Variants in GABRG3 observed in about 807,000 individuals in gnomAD.
The protein encoded by GABRG3 is gamma-aminobutyric acid receptor subunit gamma-3.
In GABRG3, 25 loss-of-function variants were observed where a neutral mutation model predicts 48.8. The ratio of observed to expected loss-of-function variants is 0.51; its 90% confidence interval spans 0.37 to 0.72. The LOEUF (loss-of-function observed/expected upper bound fraction) is 0.72, where lower values mean the gene tolerates loss of function less well. Ranked by LOEUF, GABRG3 falls within the 30% of genes least tolerant of loss-of-function variation. The pLI, the probability that GABRG3 is intolerant of heterozygous loss-of-function variation, is 0.00. For missense variants in GABRG3, 394 were observed against 577.9 expected, an observed-to-expected ratio of 0.68 and a Z score of 3.26; for synonymous variants, 227 against 217.6, an observed-to-expected ratio of 1.04 and a Z score of -0.38.
At chr15:26,991,879 C>G (rs886217816) in intron 2 of GABRG3, among the ~76,000 whole-genome samples, 2 of 152,008 alleles carry the variant, frequency 1.3e-5, no homozygotes, top group Non-Finnish European at 2.9e-5. Context: ...CGCCACCATG[C>G]CCAGCTAATT....
intron 3 of GABRG3, among the ~76,000 whole-genome samples, chr15:27,176,068 A>T (rs1887736238): frequency 6.6e-6 from 1 of 152,194 alleles, no homozygotes; most frequent in African/African-American, 2.4e-5. Context: ...ACAAGCCAAA[A>T]ATGCATTCTA....
intron 3 of GABRG3, among the ~76,000 whole-genome samples, chr15:27,223,364 T>C (rs1889510540): frequency 1.3e-5 from 2 of 152,220 alleles, no homozygotes; most frequent in Admixed American, 6.5e-5. Context: ...AGGAGGAGCC[T>C]GGATACGGCA....
chr15:27,126,395 T>C lies in GABRG3; in HGVS notation c.270+99574T>C, dbSNP rs113824819. On this transcript the variant is annotated intron_variant, in intron 3 of 9. Transcript: ENST00000615808. ...AATCCACCGTAACATTTGACTTGCA[T>C]TCGGTCCTCAATCTTTCCCACCGAC... 7.2e-4 allele frequency among the ~76,000 whole-genome samples: 109 copies of C among 152,306 alleles called. 1 individual carries two copies. Among genetic ancestry groups the C allele is most frequent in the Admixed American group, 2.2e-3 (34 of 15,306 alleles).
chr15:26,984,262 A>G (rs1416838613), intron 2 of GABRG3, among the ~76,000 whole-genome samples: 2 of 151,760 alleles, frequency 1.3e-5, no homozygotes, highest in African/African-American at 4.8e-5. Context: ...ATTCCTAACT[A>G]TAGAGGCATC....
chr15:27,527,561 A>G lies in GABRG3; in HGVS notation c.994A>G (p.Met332Val), dbSNP rs771165582. 5 of 1,613,754 alleles carry G rather than the reference A, an allele frequency of 3.1e-6. No homozygotes were observed. The highest frequency in any genetic ancestry group is 1.6e-4 in the Middle Eastern group (1 of 6,084). ...CTTCCTGTTTGTCTTCGCCGCGCTG[A>G]TGGAGTATGCCACCCTCAACTACTA... ...VCFLFVFAAL[M>V]EYATLNYYSS... Residue 332 changes from methionine (M) to valine (V), a missense_variant, in exon 8 of 10, where the codon ATG becomes GTG. Met to Val is a conservative substitution (Grantham distance 21). Transcript: ENST00000615808.
At chr15:27,393,351 A>G (rs1566821421) in intron 5 of GABRG3, among the ~76,000 whole-genome samples, 1 of 119,536 alleles carries the variant, frequency 8.4e-6, no homozygotes, top group Non-Finnish European at 1.8e-5. Flanking sequence ...CTCCAAAAAA[A>G]AAAAAAAAAA....
chr15:27,359,978 A>C (rs1278181621), intron 5 of GABRG3, among the ~76,000 whole-genome samples: 1 of 152,196 alleles, frequency 6.6e-6, no homozygotes, highest in Non-Finnish European at 1.5e-5. Context: ...TTGAGTGCCA[A>C]CTACACATTG....
At chr15:27,074,557 A>C (rs1316820522) in intron 3 of GABRG3, among the ~76,000 whole-genome samples, 2 of 151,740 alleles carry the variant, frequency 1.3e-5, no homozygotes, top group African/African-American at 4.8e-5. Context: ...CCAAGGCTGG[A>C]GTACCAGGAG....
At chr15:26,991,823 C>G (rs1222841790) in intron 2 of GABRG3, among the ~76,000 whole-genome samples, 3 of 152,020 alleles carry the variant, frequency 2.0e-5, no homozygotes, top group African/African-American at 7.3e-5. Flanking sequence ...CGGGTTCATG[C>G]CATTCTCCAG....
At chr15:26,995,271 T>C (rs1044599589) in intron 2 of GABRG3, among the ~76,000 whole-genome samples, 2 of 152,078 alleles carry the variant, frequency 1.3e-5, no homozygotes, top group African/African-American at 2.4e-5. Flanking sequence ...AGCTACTTTG[T>C]ATCTTTTATG....
chr15:27,052,474 G>A (rs1432771288), intron 3 of GABRG3, among the ~76,000 whole-genome samples: 1 of 152,148 alleles, frequency 6.6e-6, no homozygotes, highest in East Asian at 1.9e-4. Flanking sequence ...GAAAATCTAA[G>A]CATAAGGCCC....
In GABRG3 at chr15:27,527,325, G is replaced by C. The variant is rs535813708; in HGVS notation, c.866-108G>C. 6 of 882,942 alleles carry C rather than the reference G, an allele frequency of 6.8e-6. No individual in the cohort carries two copies. The East Asian group carries it at 1.3e-4, about 19-fold the overall frequency. 54.7% of individuals were successfully genotyped at this position (882,942 alleles called of 1,614,324 possible). On this transcript the variant is annotated intron_variant, in intron 7 of 9. Transcript: ENST00000615808. ...ACATTACATGAGGTATGCAGCATCAGGGATTCCTGTAAGGCAGCCGTGCTG... is the reference window on the plus strand; with the variant it reads ...ACATTACATGAGGTATGCAGCATCACGGATTCCTGTAAGGCAGCCGTGCTG...
At chr15:27,503,566 T>A (rs377694470) in intron 6 of GABRG3, among the ~76,000 whole-genome samples, 8 of 152,306 alleles carry the variant, frequency 5.3e-5, no homozygotes, top group African/African-American at 1.9e-4. Flanking sequence ...TCCAAGTTAT[T>A]GAGTGTACAA....
At chr15:27,231,315 C>T (rs1038734824) in intron 3 of GABRG3, among the ~76,000 whole-genome samples, 1 of 152,202 alleles carries the variant, frequency 6.6e-6, no homozygotes, top group Non-Finnish European at 1.5e-5. Flanking sequence ...AATAATATAA[C>T]TGTAGTTAAA....
intron 4 of GABRG3, 45 bp downstream of exon 4, chr15:27,327,074 G>C (rs547907369): frequency 2.4e-5 from 36 of 1,509,282 alleles, no homozygotes; most frequent in Non-Finnish European, 3.2e-5. Context: ...TTTAAAATGG[G>C]ATCCTTAATT....
At chr15:27,251,960 C>T (rs1036375761) in intron 3 of GABRG3, among the ~76,000 whole-genome samples, 2 of 152,288 alleles carry the variant, frequency 1.3e-5, no homozygotes, top group African/African-American at 2.4e-5. Flanking sequence ...TGTGAGCCTG[C>T]GGGGACTTAC....
chr15:27,532,816 G>C lies in GABRG3; in HGVS notation c.1339G>C (p.Val447Leu). The change falls in exon 10 of 10, where the codon GTC (valine) becomes CTC (leucine). Residue 447 changes from valine (V) to leucine (L), a missense_variant. Around this residue, in one of 3 missense-constraint regions of GABRG3, gnomAD observed 126 missense variants for 155.5 expected, o/e 0.81. Transcript: ENST00000615808. ...CTTGGAGCTGGACTCGTACTCCCGG[G>C]TCTTTTTCCCCACGTCCTTCCTGCT... ...DILELDSYSR[V>L]FFPTSFLLFN... is the part of the protein sequence containing the mutation. The C allele has an allele frequency of 6.2e-7, 1 of 1,613,948 alleles. No individual in the cohort carries two copies. The highest frequency in any genetic ancestry group is 2.2e-5 in the East Asian group (1 of 44,880).
intron 5 of GABRG3, among the ~76,000 whole-genome samples, chr15:27,450,395 A>G (rs527779778): frequency 2.0e-4 from 30 of 152,330 alleles, no homozygotes; most frequent in African/African-American, 7.2e-4. Flanking sequence ...CCAGGGCTCC[A>G]AGGATGGTTC....
chr15:27,086,865 A>AG, intron 3 of GABRG3, among the ~76,000 whole-genome samples: 1 of 152,178 alleles, frequency 6.6e-6, no homozygotes, highest in East Asian at 1.9e-4. Context: ...ACTTGCCTTC[A>AG]GGTCGTCCTT....
Sources: gnomAD v4.1 joint callset for allele counts (sites outside exome capture counted in the v4.1 genomes callset) on GRCh38, gnomAD v4.1.1 for gene constraint, gnomAD v4.1.1 regional missense constraint, MANE v1.5 for transcripts, NCBI Gene and HGNC (gene_info 2026-07-23, HGNC 2026-07-21) for gene names.